Variants in PLA2G4A observed in about 807,000 individuals in gnomAD.
The protein encoded by PLA2G4A is phospholipase A2 group IVA, also known as cytosolic phospholipase A2.
Under a neutral mutation model 81.9 loss-of-function variants are expected in PLA2G4A, and 40 were observed. The observed-to-expected ratio is 0.49, with a 90% confidence interval of 0.38 to 0.64. The LOEUF (loss-of-function observed/expected upper bound fraction) is 0.64, where lower values mean the gene tolerates loss of function less well. PLA2G4A is among the 30% of genes least tolerant of loss of function. The pLI, the probability that PLA2G4A is intolerant of heterozygous loss-of-function variation, is 0.00. For missense variants in PLA2G4A, 715 were observed against 905.1 expected, an observed-to-expected ratio of 0.79 and a Z score of 2.69; for synonymous variants, 302 against 296.9, an observed-to-expected ratio of 1.02 and a Z score of -0.18.
chr1:186,911,157 T>C (rs1654925749), intron 6 of PLA2G4A, 91 bp from the exon 7 acceptor site: 1 of 982,134 alleles, frequency 1.0e-6, no homozygotes, highest in South Asian at 1.3e-5. Context: ...CATATATCAG[T>C]GTAGCTCCTA....
At chr1:186,912,731 C>CATATAT (rs1490608809) in intron 7 of PLA2G4A, among the ~76,000 whole-genome samples, 1 of 138,502 alleles carries the variant, frequency 7.2e-6, no homozygotes, top group African/African-American at 2.8e-5. Context: ...TTTATATATA[C>CATATAT]ATATATATAC....
At chr1:186,899,989 T>C (rs1216075960) in intron 5 of PLA2G4A, among the ~76,000 whole-genome samples, 5 of 151,118 alleles carry the variant, frequency 3.3e-5, no homozygotes, top group Admixed American at 3.3e-4. Flanking sequence ...TCTTAGACTT[T>C]GATTTTATCA....
Position 186,950,714 on chromosome 1 carries a change from C to T in PLA2G4A, c.1322C>T (p.Ser441Leu). 6.3e-7 allele frequency: 1 copy of T among 1,591,360 alleles called. No homozygotes were observed. Among genetic ancestry groups the T allele is most frequent in the Non-Finnish European group, 8.6e-7 (1 of 1,159,558 alleles). The change falls in exon 13 of 18, where the codon TCA becomes TTA. Residue 441 changes from serine (S) to leucine (L), a missense_variant. Physicochemically the swap from Ser to Leu is moderately radical, Grantham distance 145 (BLOSUM62 -2). Coordinates refer to ENST00000367466, the MANE Select transcript of PLA2G4A (RefSeq NM_024420.3). The part of the protein sequence containing the change: ...SNDSSDSDDE[S>L]HEPKGTENED... ...GATAGCTCGGACAGTGATGATGAAT[C>T]ACACGAACCCAAAGGTGAGTGAGCC...
At chr1:186,888,475 A>G (rs1654017785) in intron 3 of PLA2G4A, among the ~76,000 whole-genome samples, 1 of 152,156 alleles carries the variant, frequency 6.6e-6, no homozygotes. Flanking sequence ...CAAAGATTCA[A>G]GTAAAGATTA....
At position 186,862,728 on chromosome 1, in the gene PLA2G4A, T is replaced by C. The variant is rs545098233; in HGVS notation, c.34-7707T>C. Among the ~76,000 whole-genome samples, 625 of 152,322 alleles carry C rather than the reference T, an allele frequency of 4.1e-3. 1 individual carries two copies. Among genetic ancestry groups the C allele is most frequent in the Non-Finnish European group, 5.7e-3 (389 of 68,032 alleles). On this transcript the variant is annotated intron_variant, in intron 2 of 17. Coordinates refer to ENST00000367466, the MANE Select transcript of PLA2G4A (RefSeq NM_024420.3). ...GAACATGACATATCATCTAGGGCAGTAATTCTAAACCAAATAAATATGACT... is the reference window on the plus strand; with the variant it reads ...GAACATGACATATCATCTAGGGCAGCAATTCTAAACCAAATAAATATGACT...
At chr1:186,926,658 A>G (rs976181690) in intron 7 of PLA2G4A, among the ~76,000 whole-genome samples, 2 of 152,252 alleles carry the variant, frequency 1.3e-5, no homozygotes, top group African/African-American at 4.8e-5. Context: ...ATCTCAATAC[A>G]GACAGTATCC....
intron 17 of PLA2G4A, among the ~76,000 whole-genome samples, chr1:186,985,536 T>G (rs977425897): frequency 6.6e-6 from 1 of 152,228 alleles, no homozygotes; most frequent in Admixed American, 6.5e-5. Flanking sequence ...TCTCTTGGGC[T>G]TATTTTTTAT....
At chr1:186,959,201 CA>C (rs10707298) in intron 14 of PLA2G4A, among the ~76,000 whole-genome samples, 144,894 of 151,362 alleles carry the variant, frequency 0.96, 69,391 homozygotes, top group East Asian at 1. Context: ...GACTCCATCT[CA>C]AAAAAAAAAT....
chr1:186,984,902 T>G (rs192133816), intron 17 of PLA2G4A, among the ~76,000 whole-genome samples: 1 of 152,178 alleles, frequency 6.6e-6, no homozygotes, highest in East Asian at 1.9e-4. Context: ...GACTAGCCTA[T>G]GAGGTGGGGT....
chr1:186,957,167 A>T (rs866239004), intron 14 of PLA2G4A, among the ~76,000 whole-genome samples: 2 of 151,998 alleles, frequency 1.3e-5, no homozygotes, highest in African/African-American at 4.8e-5. Context: ...AATAAAAAAT[A>T]AAAAAAATAT....
intron 17 of PLA2G4A, among the ~76,000 whole-genome samples, chr1:186,983,607 G>A (rs1026874272): frequency 1.3e-5 from 2 of 152,200 alleles, no homozygotes; most frequent in Non-Finnish European, 2.9e-5. Flanking sequence ...GTTTCTCATA[G>A]CATCAGGTTT....
intron 2 of PLA2G4A, among the ~76,000 whole-genome samples, chr1:186,863,030 GTTTCA>G (rs1652873533): frequency 6.6e-6 from 1 of 152,136 alleles, no homozygotes; most frequent in African/African-American, 2.4e-5. Context: ...TTGGGCAGTT[GTTTCA>G]TTTCAATGTT....
At chr1:186,947,804 A>G (rs530432633) in intron 12 of PLA2G4A, among the ~76,000 whole-genome samples, 4 of 152,264 alleles carry the variant, frequency 2.6e-5, no homozygotes, top group African/African-American at 7.2e-5. Flanking sequence ...ACTACCTACT[A>G]TCTCTTCTCT....
chr1:186,831,475 T>C (rs1166583295), intron 1 of PLA2G4A, among the ~76,000 whole-genome samples: 1 of 152,174 alleles, frequency 6.6e-6, no homozygotes, highest in African/African-American at 2.4e-5. Flanking sequence ...TTCTGTAACA[T>C]CTGTTGCTTT....
At chr1:186,926,402 T>C (rs1178798772) in intron 7 of PLA2G4A, among the ~76,000 whole-genome samples, 1 of 152,246 alleles carries the variant, frequency 6.6e-6, no homozygotes, top group Non-Finnish European at 1.5e-5. Flanking sequence ...TTTTTTTGGT[T>C]TCAGCCCACA....
At chr1:186,847,070 A>G (rs1000150664) in intron 1 of PLA2G4A, among the ~76,000 whole-genome samples, 6 of 152,002 alleles carry the variant, frequency 3.9e-5, no homozygotes, top group Admixed American at 1.3e-4. Flanking sequence ...TGAGAGAAGA[A>G]AAGGAAATGT....
intron 10 of PLA2G4A, among the ~76,000 whole-genome samples, chr1:186,941,240 C>T (rs1456892234): frequency 6.6e-6 from 1 of 152,076 alleles, no homozygotes; most frequent in African/African-American, 2.4e-5. Flanking sequence ...AAAATTATCT[C>T]AGTGACTTCA....
At chr1:186,876,496 T>A (rs112166804) in intron 3 of PLA2G4A, among the ~76,000 whole-genome samples, 2 of 152,118 alleles carry the variant, frequency 1.3e-5, no homozygotes, top group African/African-American at 4.8e-5. Flanking sequence ...TCTCCCTCAC[T>A]CCAAGGTCCT....
chr1:186,870,793 A>C (rs1439543397), intron 3 of PLA2G4A: 1 of 1,244,426 alleles, frequency 8.0e-7, no homozygotes, highest in South Asian at 1.3e-5. Context: ...ATTATGGTTC[A>C]GCCTTTAATT....
Sources: gnomAD v4.1 joint callset for allele counts (sites outside exome capture counted in the v4.1 genomes callset) on GRCh38, gnomAD v4.1.1 for gene constraint, MANE v1.5 for transcripts, NCBI Gene and HGNC (gene_info 2026-07-23, HGNC 2026-07-21) for gene names.